MYO1E: variants seen among roughly 807,000 people sequenced by gnomAD.
MYO1E encodes unconventional myosin-Ie.
In MYO1E, 68 loss-of-function variants were observed where a neutral mutation model predicts 151.1. The ratio of observed to expected loss-of-function variants is 0.45; its 90% CI spans 0.37 to 0.55. The LOEUF is 0.55. Ranked by LOEUF, MYO1E falls within the 20% of genes least tolerant of loss-of-function variation. The pLI, the probability that MYO1E is intolerant of heterozygous loss-of-function variation, is 0.00. For synonymous variants in MYO1E, 601 were observed against 501.7 expected, an observed-to-expected ratio of 1.20 and a Z score of -2.64; for missense variants, 1,363 against 1,389.3, an observed-to-expected ratio of 0.98 and a Z score of 0.30.
chr15:59,352,303 A>T (rs1181766338), intron 1 of MYO1E, among the ~76,000 whole-genome samples: 1 of 152,164 alleles, frequency 6.6e-6, no homozygotes, highest in African/African-American at 2.4e-5. Flanking sequence ...ACCTTGGAAG[A>T]TGATATCCTG....
At chr15:59,262,175 C>T (rs1043994083) in intron 2 of MYO1E, among the ~76,000 whole-genome samples, 3 of 151,360 alleles carry the variant, frequency 2.0e-5, no homozygotes, top group Admixed American at 6.6e-5. Context: ...TCACTGCACT[C>T]CAGCCTGGGC....
intron 4 of MYO1E, among the ~76,000 whole-genome samples, chr15:59,251,453 C>G (rs2080164593): frequency 6.6e-6 from 1 of 152,154 alleles, no homozygotes; most frequent in Non-Finnish European, 1.5e-5. Flanking sequence ...TAACCAAATG[C>G]AGTCAGCGTT....
In MYO1E at chr15:59,136,916, C is replaced by CACG; in HGVS notation, c.*463_*464insCGT. On this transcript the variant is annotated 3_prime_UTR_variant, in exon 28 of 28. Coordinates refer to ENST00000288235, the MANE Select transcript of MYO1E (RefSeq NM_004998.4). Reference sequence around the variant, plus strand: ...TAAGCCCAGTCTGCAGAGGGCGGGTCCTCCCTGAAGGAAGGTGGCAGAGAG... The same window carrying CACG: ...TAAGCCCAGTCTGCAGAGGGCGGGTCACGCTCCCTGAAGGAAGGTGGCAGAGAG... 5.5e-6 allele frequency: 2 copies of CACG among 366,934 alleles called. No individual in the cohort carries two copies. The highest frequency in any genetic ancestry group is 7.1e-5 in the Admixed American group (2 of 28,164). 22.7% of individuals were successfully genotyped at this position (366,934 alleles called of 1,614,324 possible).
chr15:59,145,672 G>A (rs752152484), intron 26 of MYO1E, among the ~76,000 whole-genome samples: 13 of 152,234 alleles, frequency 8.5e-5, no homozygotes, highest in Admixed American at 2.6e-4. Flanking sequence ...GATTACAGTC[G>A]TGAGCCACTG....
intron 1 of MYO1E, among the ~76,000 whole-genome samples, chr15:59,325,475 G>A (rs1427362815): frequency 6.6e-6 from 1 of 152,162 alleles, no homozygotes; most frequent in Non-Finnish European, 1.5e-5. Flanking sequence ...CAGCTGACCA[G>A]CACCTAACTG....
At chr15:59,372,058 C>T (rs1402744197) in intron 1 of MYO1E, among the ~76,000 whole-genome samples, 1 of 150,508 alleles carries the variant, frequency 6.6e-6, no homozygotes, top group Non-Finnish European at 1.5e-5. Flanking sequence ...GCGAGGGTGC[C>T]CGGGGCGGGG....
intron 1 of MYO1E, among the ~76,000 whole-genome samples, chr15:59,302,232 A>G (rs1401987299): frequency 6.6e-6 from 1 of 152,198 alleles, no homozygotes; most frequent in Non-Finnish European, 1.5e-5. Flanking sequence ...CTCAAGTAAG[A>G]TTTAGGGACA....
intron 1 of MYO1E, among the ~76,000 whole-genome samples, chr15:59,303,161 A>G (rs141738308): frequency 2.6e-5 from 4 of 152,310 alleles, no homozygotes; most frequent in Non-Finnish European, 4.4e-5. Context: ...TCTAAATTTG[A>G]TTGTTAGAAT....
chr15:59,337,952 A>G (rs1234681859), intron 1 of MYO1E, among the ~76,000 whole-genome samples: 1 of 152,246 alleles, frequency 6.6e-6, no homozygotes, highest in Admixed American at 6.5e-5. Flanking sequence ...TTCCCTGTCC[A>G]TGATGTGGCT....
chr15:59,272,588 A>G (rs1371413617), intron 1 of MYO1E, 139 bp from the exon 2 acceptor site: 5 of 962,960 alleles, frequency 5.2e-6, no homozygotes, highest in Admixed American at 2.1e-5. Flanking sequence ...TCTGCAATCA[A>G]TAAGATGAGG....
chr15:59,206,890 G>A (rs367595111), intron 14 of MYO1E: 38 of 1,558,280 alleles, frequency 2.4e-5, no homozygotes, highest in Middle Eastern at 1.7e-4. Flanking sequence ...CTCAACGTTC[G>A]GATCAGCAGC....
chr15:59,331,363 C>A (rs564789349), intron 1 of MYO1E, among the ~76,000 whole-genome samples: 2 of 152,136 alleles, frequency 1.3e-5, no homozygotes, highest in African/African-American at 4.8e-5. Flanking sequence ...CCATCTACAA[C>A]TGGGGAAACA....
chr15:59,359,324 A>T lies in MYO1E; in HGVS notation c.3+13174T>A, dbSNP rs760769479. Among the ~76,000 whole-genome samples, 641 of 138,540 alleles carry T rather than the reference A, an allele frequency of 4.6e-3. 3 individuals are homozygous for T. The highest frequency in any genetic ancestry group is 7.3e-3 in the Middle Eastern group (2 of 274). The allele number at this position is 138,540 out of a possible 152,430, so 90.9% of individuals were successfully genotyped here. A position where few individuals can be genotyped will look rare whatever the true frequency, so the allele number is the denominator to read the frequency against. On this transcript the variant is annotated intron_variant, in intron 1 of 27. Transcript: ENST00000288235. ...GTGTATATATATATAATATATATAT[A>T]TATTTTTTTTTTTAATTAGCTAGGC...
chr15:59,208,454 A>G, intron 14 of MYO1E: 1 of 618,238 alleles, frequency 1.6e-6, no homozygotes, highest in East Asian at 2.9e-5. Context: ...ATGTTCATTT[A>G]TATGCTGTAA....
intron 1 of MYO1E, among the ~76,000 whole-genome samples, chr15:59,325,861 T>C (rs1398205906): frequency 6.6e-6 from 1 of 152,128 alleles, no homozygotes; most frequent in African/African-American, 2.4e-5. Context: ...ACCTGTCAAA[T>C]GCGGGACATG....
intron 22 of MYO1E, among the ~76,000 whole-genome samples, chr15:59,167,931 G>A (rs1485686161): frequency 6.6e-6 from 1 of 151,900 alleles, no homozygotes; most frequent in African/African-American, 2.4e-5. Flanking sequence ...GGCTCGCCTC[G>A]GCCTCCCAAA....
chr15:59,140,527 A>T (rs1330535728), intron 26 of MYO1E, among the ~76,000 whole-genome samples: 1 of 152,266 alleles, frequency 6.6e-6, no homozygotes, highest in Non-Finnish European at 1.5e-5. Context: ...GGACCTCAAC[A>T]GGGTGGGGCT....
intron 1 of MYO1E, among the ~76,000 whole-genome samples, chr15:59,291,142 G>A (rs1349550838): frequency 6.6e-6 from 1 of 152,206 alleles, no homozygotes; most frequent in Non-Finnish European, 1.5e-5. Flanking sequence ...GTTTCTGGTT[G>A]CAAAAATGCT....
chr15:59,216,510 T>C (rs1324982345), intron 10 of MYO1E, among the ~76,000 whole-genome samples: 1 of 151,108 alleles, frequency 6.6e-6, no homozygotes, highest in African/African-American at 2.4e-5. Context: ...TCTACACTGC[T>C]GAAAGACTAA....
Sources: allele counts gnomAD v4.1 joint callset (sites outside exome capture counted in the v4.1 genomes callset), GRCh38; gene constraint gnomAD v4.1.1; transcripts MANE v1.5; gene names NCBI Gene and HGNC (gene_info 2026-07-23, HGNC 2026-07-21).